The following PRDM2 variants were observed in gnomAD, a reference collection of about 807,000 sequenced individuals.
PRDM2 encodes the protein PR/SET domain 2, also known as PR domain zinc finger protein 2.
A neutral mutation model predicts 130.0 loss-of-function variants in PRDM2; 30 were observed. The observed-to-expected ratio is 0.23, with a 90% CI of 0.17 to 0.31. The LOEUF is 0.31. Among genes scored for constraint, PRDM2 ranks in the 10% least tolerant of loss-of-function variants. PRDM2 has a pLI of 1.00. For missense variants in PRDM2, 2,011 were observed against 2,108.4 expected (o/e 0.95, Z 0.90); for synonymous variants, 871 against 782.4 (o/e 1.11, Z -1.89).
At chr1:13,814,143 C>T (rs1347560798) in intron 8 of PRDM2, among the ~76,000 whole-genome samples, 8 of 152,220 alleles carry the variant, frequency 5.3e-5, no homozygotes, top group South Asian at 2.1e-4. Flanking sequence ...CCAGCAGCCT[C>T]CCAGCTGGCT....
At chr1:13,747,858 C>T (rs958029387) in intron 5 of PRDM2, among the ~76,000 whole-genome samples, 2 of 151,356 alleles carry the variant, frequency 1.3e-5, no homozygotes, top group African/African-American at 4.9e-5. Flanking sequence ...AGGAAGCTAA[C>T]AGCAACACAT....
rs117199886 is a variant in PRDM2 at position 13,775,172 on chromosome 1, G to A, written c.622+1984G>A. The stretch of plus-strand genomic sequence containing the variant: ...AAACTCCAGAGACCACATAAAGTGC[G>A]TGGATCCACTCTGGCATGGGCCGTG... On this transcript the variant is annotated intron_variant, in intron 7 of 9. Coordinates refer to ENST00000311066, the MANE Select transcript of PRDM2 (RefSeq NM_001393986.1). Among the ~76,000 whole-genome samples, 325 of 152,310 alleles carry A rather than the reference G, an allele frequency of 2.1e-3. 7 individuals carry two copies. The South Asian group carries it at 0.046, about 22-fold the overall frequency.
chr1:13,779,528 A>C lies in PRDM2; in HGVS notation c.1733A>C (p.Asn578Thr), dbSNP rs754556885. The C allele has an allele frequency of 1.2e-6, 2 of 1,613,766 alleles. No homozygotes were observed. The highest frequency in any genetic ancestry group is 2.2e-5 in the South Asian group (2 of 91,082). Residue 578 changes from asparagine to threonine, a missense_variant, in exon 8 of 10, where the codon AAC becomes ACC. Coordinates refer to ENST00000311066, the MANE Select transcript of PRDM2 (RefSeq NM_001393986.1). This position sits in a 1 kb window ranked among gnomAD's most constrained non-coding sequence, Gnocchi z 4.9. ...ATTGATGGTAAAATTCAAACTAATAACAACACTAGTAACTGTGATGTGATT... is the reference window on the plus strand; with the variant it reads ...ATTGATGGTAAAATTCAAACTAATACCAACACTAGTAACTGTGATGTGATT... ...YYIDGKIQTN[N>T]NTSNCDVIEM...
intron 8 of PRDM2, among the ~76,000 whole-genome samples, chr1:13,801,745 G>A (rs569647915): frequency 2.4e-4 from 36 of 152,344 alleles, no homozygotes; most frequent in South Asian, 2.1e-4. Flanking sequence ...CAAATACAGC[G>A]TCTGCGGGAA....
intron 5 of PRDM2, among the ~76,000 whole-genome samples, chr1:13,746,184 T>G (rs1203620): frequency 0.17 from 26,443 of 151,932 alleles, 2,900 homozygotes; most frequent in Admixed American, 0.24. Context: ...TTTAAAATCT[T>G]TGTTGTTGTT....
intron 6 of PRDM2, among the ~76,000 whole-genome samples, chr1:13,762,862 C>T (rs1016532923): frequency 2.6e-5 from 4 of 152,154 alleles, no homozygotes; most frequent in African/African-American, 9.7e-5. Context: ...CGTGAGTGCT[C>T]ATAGAGGCAC....
At chr1:13,700,378 ACGGCGGCGG>A (rs1569630898) in intron 1 of PRDM2, 78 bp downstream of exon 1, 1 of 148,088 alleles carries the variant, frequency 6.8e-6, no homozygotes, top group South Asian at 1.8e-4. Context: ...CGCGGCGGCG[ACGGCGGCGG>A]CGACACGCTG....
intron 5 of PRDM2, among the ~76,000 whole-genome samples, chr1:13,747,463 A>T (rs1306607197): frequency 2.6e-5 from 4 of 152,176 alleles, no homozygotes; most frequent in Non-Finnish European, 4.4e-5. Context: ...ATTTATTAAT[A>T]TATATTAAAG....
chr1:13,715,086 A>AT (rs1642491033), intron 1 of PRDM2, among the ~76,000 whole-genome samples: 1 of 152,200 alleles, frequency 6.6e-6, no homozygotes, highest in Non-Finnish European at 1.5e-5. Flanking sequence ...CTGGTGGCCA[A>AT]TGTTAGTAAA....
chr1:13,807,936 C>T (rs1038149583), intron 8 of PRDM2, among the ~76,000 whole-genome samples: 2 of 152,182 alleles, frequency 1.3e-5, no homozygotes, highest in African/African-American at 2.4e-5. Flanking sequence ...CAATCCTTCC[C>T]CGTCCATACA....
intron 8 of PRDM2, among the ~76,000 whole-genome samples, chr1:13,798,614 T>C (rs920381154): frequency 6.6e-6 from 1 of 152,232 alleles, no homozygotes; most frequent in Admixed American, 6.5e-5. Context: ...TCTTTGACTA[T>C]AACTGAACAT....
rs1644637224 is a variant in PRDM2 at position 13,782,500 on chromosome 1, A to G, written c.4705A>G (p.Ser1569Gly). ...FAASVKSKKP[S>G]SSSLRNSSPI... ...AGCTTCGGTGAAATCCAAAAAACCA[A>G]GCTCCTCCTCTTTAAGGAACTCCAG... The change falls in exon 8 of 10, where the codon AGC becomes GGC. Residue 1569 changes from serine (S) to glycine (G), a missense_variant. By Grantham distance (56) the Ser-to-Gly change is moderately conservative. Transcript: ENST00000311066. 1.2e-6 allele frequency: 2 copies of G among 1,614,124 alleles called. No individual in the cohort carries two copies. Among genetic ancestry groups the G allele is most frequent in the East Asian group, 4.5e-5 (2 of 44,882 alleles).
chr1:13,768,615 C>T (rs757346975), intron 6 of PRDM2, among the ~76,000 whole-genome samples: 2 of 151,686 alleles, frequency 1.3e-5, no homozygotes, highest in Admixed American at 1.3e-4. Flanking sequence ...AACTCCTAAC[C>T]TCAGGTGATC....
At chr1:13,718,448 C>T (rs1264245594) in intron 2 of PRDM2, among the ~76,000 whole-genome samples, 1 of 152,208 alleles carries the variant, frequency 6.6e-6, no homozygotes, top group East Asian at 1.9e-4. Flanking sequence ...CCTGCCAGTA[C>T]TTTCAGCACT....
chr1:13,768,273 C>T (rs1362398513), intron 6 of PRDM2, among the ~76,000 whole-genome samples: 3 of 151,162 alleles, frequency 2.0e-5, no homozygotes, highest in Admixed American at 6.6e-5. Context: ...TTAGCAGAGA[C>T]GGGGTTTCAC....
intron 1 of PRDM2, among the ~76,000 whole-genome samples, chr1:13,701,496 A>G (rs767338748): frequency 1.6e-4 from 25 of 152,164 alleles, no homozygotes; most frequent in Admixed American, 2.0e-4. Context: ...TACATATATT[A>G]AGGAGGAGGA....
intron 7 of PRDM2, 120 bp from the exon 8 acceptor site, chr1:13,778,295 TTCA>T (rs2100656135): frequency 1.0e-6 from 1 of 1,000,980 alleles, no homozygotes; most frequent in Non-Finnish European, 1.5e-6. Context: ...TAATTTATTG[TTCA>T]TCATCATCTC....
At chr1:13,727,865 A>G (rs1181248102) in intron 2 of PRDM2, among the ~76,000 whole-genome samples, 1 of 152,198 alleles carries the variant, frequency 6.6e-6, no homozygotes, top group Non-Finnish European at 1.5e-5. Context: ...ACCTGTTTAG[A>G]TATGATATTA....
intron 4 of PRDM2, among the ~76,000 whole-genome samples, chr1:13,735,355 G>A (rs1050114424): frequency 2.6e-5 from 4 of 152,282 alleles, no homozygotes; most frequent in Non-Finnish European, 5.9e-5. Flanking sequence ...GCTGGCGCTC[G>A]GGACTTGGTG....
Sources: allele counts gnomAD v4.1 joint callset (sites outside exome capture counted in the v4.1 genomes callset), GRCh38; gene constraint gnomAD v4.1.1; non-coding constraint Gnocchi (gnomAD v3.1); transcripts MANE v1.5; gene names NCBI Gene and HGNC (gene_info 2026-07-23, HGNC 2026-07-21).